The following TM6SF1 variants were observed in gnomAD, a reference collection of about 807,000 sequenced individuals.
TM6SF1 encodes the protein transmembrane 6 superfamily member 1.
In TM6SF1, 43 loss-of-function variants were observed where a neutral mutation model predicts 47.1. The ratio of observed to expected loss-of-function variants is 0.91; its 90% confidence interval spans 0.72 to 1.18. TM6SF1 has a LOEUF of 1.18. Among genes scored for constraint, TM6SF1 ranks in the 50% most tolerant of loss-of-function variants. The pLI, the probability that TM6SF1 is intolerant of heterozygous loss-of-function variation, is 0.00. For synonymous variants in TM6SF1, 177 were observed against 166.3 expected (o/e 1.06, Z -0.49); for missense variants, 390 against 449.0 (o/e 0.87, Z 1.19).
In TM6SF1 at chr15:83,136,606, G is replaced by A. The variant is rs1300973942; in HGVS notation, c.1047G>A (p.Leu349=). The A allele has an allele frequency of 6.2e-7, 1 of 1,612,626 alleles. No individual in the cohort carries two copies. The highest frequency in any genetic ancestry group is 2.2e-5 in the East Asian group (1 of 44,858). The change falls in exon 10 of 10, where the codon TTG becomes TTA. Residue 349 remains leucine, a synonymous_variant. Transcript: ENST00000322019. The part of the protein sequence containing the change: ...NIAYGVLPQL[L]AYRCIYKPEF... ...CATATGGAGTTCTTCCTCAGCTCTT[G>A]GCCTATCGTTGTATCTACAAACCAG...
chr15:83,136,639 C>T lies in TM6SF1; in HGVS notation c.1080C>T (p.Phe360=). 1 of 1,600,054 alleles carries T rather than the reference C, an allele frequency of 6.2e-7. No individual in the cohort carries two copies. The highest frequency in any genetic ancestry group is 8.5e-7 in the Non-Finnish European group (1 of 1,176,530). The change falls in exon 10 of 10, where the codon TTC becomes TTT. Residue 360 remains phenylalanine (F), a synonymous_variant. Transcript: ENST00000322019. The stretch of plus-strand genomic sequence containing the variant: ...GTTGTATCTACAAACCAGAGTTCTT[C>T]ATAAAAACAAAGGCAGAAGAAAAAG... ...AYRCIYKPEF[F]IKTKAEEKVE is the part of the protein sequence containing the mutation.
At chr15:83,117,407 G>C (rs1360296614) in intron 3 of TM6SF1, among the ~76,000 whole-genome samples, 1 of 152,312 alleles carries the variant, frequency 6.6e-6, no homozygotes, top group South Asian at 2.1e-4. Context: ...TCTGAGAGGA[G>C]AAGGGCTTGC....
At chr15:83,123,004 G>A in intron 6 of TM6SF1, 126 bp downstream of exon 6, 2 of 1,063,774 alleles carry the variant, frequency 1.9e-6, no homozygotes, top group South Asian at 1.6e-5. Context: ...CAGTGCGACT[G>A]TTTTGATTAT....
intron 9 of TM6SF1, chr15:83,133,530 TTTAGAA>T (rs1298144002): frequency 6.6e-6 from 1 of 152,212 alleles, no homozygotes; most frequent in Non-Finnish European, 1.5e-5. Flanking sequence ...GTGAAAATGA[TTTAGAA>T]TGAAGTGGAA....
At chr15:83,118,872 G>A (rs949600918) in intron 3 of TM6SF1, among the ~76,000 whole-genome samples, 5 of 152,128 alleles carry the variant, frequency 3.3e-5, no homozygotes, top group South Asian at 2.1e-4. Context: ...AATGTAGTTC[G>A]TCATATAATC....
chr15:83,116,370 T>G (rs551206454), intron 3 of TM6SF1, among the ~76,000 whole-genome samples: 1 of 152,234 alleles, frequency 6.6e-6, no homozygotes, highest in Non-Finnish European at 1.5e-5. Context: ...CTCTCCACCA[T>G]GCTGCCCAAA....
At chr15:83,135,943 A>G (rs1469040466) in intron 9 of TM6SF1, 2 of 152,234 alleles carry the variant, frequency 1.3e-5, no homozygotes, top group Non-Finnish European at 2.9e-5. Flanking sequence ...GGGAAAGGGT[A>G]TGAGCTCTTG....
Position 83,107,664 on chromosome 15 carries a change from G to A in TM6SF1, c.-17G>A. 6.5e-7 allele frequency: 1 copy of A among 1,535,344 alleles called. No individual in the cohort carries two copies. The highest frequency in any genetic ancestry group is 8.8e-7 in the Non-Finnish European group (1 of 1,142,004). ...CCCAGCGGGATGCGGTGAAGGGCGA[G>A]CGGCGCGGCGGCTGCGATGAGTGCC... On this transcript the variant is annotated 5_prime_UTR_variant, in exon 1 of 10. Coordinates refer to ENST00000322019, the MANE Select transcript of TM6SF1 (RefSeq NM_023003.5). The surrounding 1 kb of genome is among the most constrained non-coding windows in gnomAD (Gnocchi z 5.6).
rs1241295701 is a variant in TM6SF1 at position 83,121,975 on chromosome 15, T to C, written c.453T>C (p.Val151=). ...LYWVGSIIMS[V]VVFVPGNIVG... The stretch of plus-strand genomic sequence containing the variant: ...GGGTTGGATCTATTATTATGAGTGT[T>C]GTTGTTTTTGTGCCAGGAAACATTG... The change falls in exon 5 of 10, where the codon GTT becomes GTC. Residue 151 remains valine, a synonymous_variant. Transcript: ENST00000322019. The C allele has an allele frequency of 6.8e-6, 11 of 1,611,570 alleles. No individual in the cohort carries two copies. Among genetic ancestry groups the C allele is most frequent in the Non-Finnish European group, 8.5e-6 (10 of 1,179,444 alleles).
At chr15:83,110,367 C>T (rs945926439) in intron 1 of TM6SF1, among the ~76,000 whole-genome samples, 4 of 152,100 alleles carry the variant, frequency 2.6e-5, no homozygotes, top group African/African-American at 9.7e-5. Context: ...GGACCTGTTT[C>T]TTCCTGTGGT....
chr15:83,127,817 T>C lies in TM6SF1; in HGVS notation c.921+340T>C. On this transcript the variant is annotated intron_variant, in intron 9 of 9. Coordinates refer to ENST00000322019, the MANE Select transcript of TM6SF1 (RefSeq NM_023003.5). The stretch of plus-strand genomic sequence containing the variant: ...GAATACCATGGCTACTAAAAAAGGA[T>C]TGAGAGCTGTCACCTTCAAAATGTC... 3 of 269,788 alleles carry C rather than the reference T, an allele frequency of 1.1e-5. No individual in the cohort carries two copies. In the South Asian group the frequency reaches 1.1e-4, roughly 10 times the overall value. 16.7% of individuals were successfully genotyped at this position (269,788 alleles called of 1,614,324 possible). A position where few individuals can be genotyped will look rare whatever the true frequency, so the allele number is the denominator to read the frequency against.
chr15:83,113,370 G>T (rs8025060), intron 2 of TM6SF1: 3 of 158,116 alleles, frequency 1.9e-5, no homozygotes, highest in Admixed American at 6.1e-5. Context: ...CACTTTAGCA[G>T]CAGGCTTTCA....
At chr15:83,112,945 C>T (rs768499836) in intron 2 of TM6SF1, 45 bp downstream of exon 2, 1 of 1,435,264 alleles carries the variant, frequency 7.0e-7, no homozygotes, top group Non-Finnish European at 9.8e-7. Context: ...ATTAATAACA[C>T]AATACTTTCA....
At chr15:83,113,316 G>A (rs2034364826) in intron 2 of TM6SF1, 1 of 204,984 alleles carries the variant, frequency 4.9e-6, no homozygotes, top group African/African-American at 2.3e-5. Context: ...AATGGAACCT[G>A]CCATAGAGAC....
At chr15:83,109,810 C>A (rs1035562911) in intron 1 of TM6SF1, among the ~76,000 whole-genome samples, 1 of 152,202 alleles carries the variant, frequency 6.6e-6, no homozygotes, top group Non-Finnish European at 1.5e-5. Context: ...TCCTCTCCAG[C>A]CTCTAGCCCG....
chr15:83,127,405 G>A lies in TM6SF1; in HGVS notation c.849G>A (p.Leu283=), dbSNP rs776153603. 1.9e-6 allele frequency: 3 copies of A among 1,613,850 alleles called. No homozygotes were observed. Among genetic ancestry groups the A allele is most frequent in the African/African-American group, 2.7e-5 (2 of 74,898 alleles). Reference sequence around the variant, plus strand: ...CTGTTCCTTACTTTGTGACTGCACTGTATGGCTTAGTGGTTCCTGGATGTT... The same window carrying A: ...CTGTTCCTTACTTTGTGACTGCACTATATGGCTTAGTGGTTCCTGGATGTT... ...FYSVPYFVTA[L]YGLVVPGCSW... Residue 283 remains leucine (L), a synonymous_variant, in exon 9 of 10, where the codon CTG becomes CTA. Coordinates refer to ENST00000322019, the MANE Select transcript of TM6SF1 (RefSeq NM_023003.5).
intron 8 of TM6SF1, among the ~76,000 whole-genome samples, 153 bp downstream of exon 8, chr15:83,127,000 G>A (rs562244144): frequency 1.3e-5 from 2 of 152,300 alleles, no homozygotes; most frequent in East Asian, 3.9e-4. Context: ...AAACCAGCCT[G>A]GCCAGCATGG....
rs953337883 is a variant in TM6SF1 at position 83,119,605 on chromosome 15, G to T, written c.322G>T (p.Gly108Trp). ...EGEPYLNTAY[G>W]HMICYWDGSA... The stretch of plus-strand genomic sequence containing the variant: ...TGAACCGTATCTGAACACCGCATAT[G>T]GGCACATGATCTGCTACTGGGATGG... The change falls in exon 4 of 10, where the codon GGG (glycine) becomes TGG (tryptophan). Residue 108 changes from glycine to tryptophan, a missense_variant. Gly to Trp is a radical substitution (Grantham distance 184). Transcript: ENST00000322019. 2 of 1,614,176 alleles carry T rather than the reference G, an allele frequency of 1.2e-6. No individual in the cohort carries two copies. Among genetic ancestry groups the T allele is most frequent in the Non-Finnish European group, 8.5e-7 (1 of 1,180,030 alleles).
At chr15:83,115,987 C>T (rs758199585) in intron 3 of TM6SF1, 45 bp downstream of exon 3, 1 of 1,392,688 alleles carries the variant, frequency 7.2e-7, no homozygotes, top group African/African-American at 1.4e-5. Flanking sequence ...CAAAAGGCCA[C>T]AACCCAGATC....
Sources: gnomAD v4.1 joint callset for allele counts (sites outside exome capture counted in the v4.1 genomes callset) on GRCh38, gnomAD v4.1.1 for gene constraint, Gnocchi (gnomAD v3.1) non-coding constraint, MANE v1.5 for transcripts, NCBI Gene and HGNC (gene_info 2026-07-23, HGNC 2026-07-21) for gene names.